PDE1A: variants seen among roughly 807,000 people sequenced by gnomAD.
PDE1A encodes dual specificity calcium/calmodulin-dependent 3',5'-cyclic nucleotide phosphodiesterase 1A.
Under a neutral mutation model 61.7 loss-of-function variants are expected in PDE1A, and 35 were observed. The ratio of observed to expected loss-of-function variants is 0.57; its 90% CI spans 0.43 to 0.75. The LOEUF (loss-of-function observed/expected upper bound fraction) is 0.75, where lower values mean the gene tolerates loss of function less well. Among genes scored for constraint, PDE1A ranks in the 30% least tolerant of loss-of-function variants. The pLI is 0.00. For missense variants in PDE1A, 597 were observed against 630.6 expected, an observed-to-expected ratio of 0.95 and a Z score of 0.57; for synonymous variants, 232 against 213.2, an observed-to-expected ratio of 1.09 and a Z score of -0.77.
At chr2:182,329,709 G>A (rs927138160) in intron 1 of PDE1A, among the ~76,000 whole-genome samples, 1 of 152,182 alleles carries the variant, frequency 6.6e-6, no homozygotes, top group Admixed American at 6.5e-5. Context: ...TACCAAATAG[G>A]GGTTTCTATC....
intron 1 of PDE1A, among the ~76,000 whole-genome samples, chr2:182,310,452 C>CT (rs1202031933): frequency 1.3e-5 from 2 of 151,888 alleles, no homozygotes; most frequent in South Asian, 2.1e-4. Context: ...ATTGTAGCAA[C>CT]TTTTTTTTCA....
the PDE1A span, among the ~76,000 whole-genome samples, chr2:182,672,471 A>T: frequency 6.6e-6 from 1 of 152,246 alleles, no homozygotes; most frequent in Non-Finnish European, 1.5e-5. Context: ...TTACTGACAT[A>T]AAAGAGAGTC....
chr2:182,220,951 T>C (rs1224333069), intron 7 of PDE1A, among the ~76,000 whole-genome samples: 1 of 152,088 alleles, frequency 6.6e-6, no homozygotes, highest in African/African-American at 2.4e-5. Flanking sequence ...ATTTTCAAGT[T>C]CATGTAGAAT....
intron 13 of PDE1A, among the ~76,000 whole-genome samples, chr2:182,180,360 T>C (rs987805007): frequency 6.6e-6 from 1 of 152,164 alleles, no homozygotes; most frequent in Non-Finnish European, 1.5e-5. Context: ...AAATTTTAGG[T>C]TGAAAAATTC....
intron 1 of PDE1A, among the ~76,000 whole-genome samples, chr2:182,313,156 G>A (rs1247133872): frequency 2.6e-5 from 4 of 152,326 alleles, no homozygotes; most frequent in Middle Eastern, 3.4e-3. Context: ...GCTCACGCCT[G>A]TAATCCCAGC....
the PDE1A span, among the ~76,000 whole-genome samples, chr2:182,558,351 T>G: frequency 1.3e-5 from 2 of 152,108 alleles, no homozygotes; most frequent in African/African-American, 4.8e-5. Flanking sequence ...AAAAATAAGT[T>G]GATCTTCCCA....
At chr2:182,337,131 T>A (rs1697884770) in intron 1 of PDE1A, among the ~76,000 whole-genome samples, 1 of 152,174 alleles carries the variant, frequency 6.6e-6, no homozygotes, top group South Asian at 2.1e-4. Context: ...TGTATTTTCC[T>A]TATCTGGAGT....
At chr2:182,289,850 A>T (rs1451009560) in intron 1 of PDE1A, among the ~76,000 whole-genome samples, 1 of 152,106 alleles carries the variant, frequency 6.6e-6, no homozygotes, top group Non-Finnish European at 1.5e-5. Context: ...GATTTTCAAA[A>T]ATTATAAAAA....
At chr2:182,406,051 A>G (rs1407132711) in intron 1 of PDE1A, among the ~76,000 whole-genome samples, 2 of 152,090 alleles carry the variant, frequency 1.3e-5, no homozygotes, top group Non-Finnish European at 2.9e-5. Flanking sequence ...TTCCTATTTG[A>G]TAATAATAGC....
intron 1 of PDE1A, among the ~76,000 whole-genome samples, chr2:182,295,057 C>CTTTT (rs11420821): frequency 0.02 from 1,164 of 59,340 alleles, 314 homozygotes; most frequent in African/African-American, 0.04. Flanking sequence ...AAAAGGTAAT[C>CTTTT]TTTTTTTTTT....
chr2:182,665,649 A>G, the PDE1A span, among the ~76,000 whole-genome samples: 2 of 152,184 alleles, frequency 1.3e-5, no homozygotes, highest in African/African-American at 4.8e-5. Flanking sequence ...ATTGTGTAAG[A>G]CAGCGTGACG....
the PDE1A span, among the ~76,000 whole-genome samples, chr2:182,671,338 A>ATTTTT: frequency 3.3e-3 from 249 of 75,206 alleles, 3 homozygotes; most frequent in African/African-American, 7.7e-3. Flanking sequence ...CGACTGGCTA[A>ATTTTT]TTTTTTTTTT....
intron 7 of PDE1A, among the ~76,000 whole-genome samples, chr2:182,211,848 C>T (rs1192710129): frequency 6.6e-6 from 1 of 152,006 alleles, no homozygotes; most frequent in Non-Finnish European, 1.5e-5. Flanking sequence ...GTGTATTAAC[C>T]TTGTATTTTG....
intron 1 of PDE1A, among the ~76,000 whole-genome samples, chr2:182,325,436 A>C (rs1696973893): frequency 6.6e-6 from 1 of 152,172 alleles, no homozygotes; most frequent in South Asian, 2.1e-4. Context: ...CACCAAAAAC[A>C]TGGGTAATGA....
intron 1 of PDE1A, among the ~76,000 whole-genome samples, chr2:182,291,481 G>A (rs1694533193): frequency 6.6e-6 from 1 of 152,232 alleles, no homozygotes; most frequent in African/African-American, 2.4e-5. Flanking sequence ...GTATGATTAT[G>A]TGTTTACATG....
chr2:182,513,087 G>A (rs1233885006), intron 2 of PDE1A, among the ~76,000 whole-genome samples: 2 of 152,032 alleles, frequency 1.3e-5, no homozygotes, highest in Non-Finnish European at 2.9e-5. Flanking sequence ...TTCAAATTCA[G>A]GAAATCAGAA....
rs540479124 is a variant in PDE1A, at chr2:182,360,402, T to A, written c.53+66176A>T. ...CTCAGTTTAGGAGCTAACTATAGTA[T>A]ACTTAGGAAGTCACTGTGAGCGGGG... On this transcript the variant is annotated intron_variant, in intron 1 of 13. Transcript: ENST00000351439. Among the ~76,000 whole-genome samples, 3 of 152,196 alleles carry A rather than the reference T, an allele frequency of 2.0e-5. No homozygotes were observed. In the East Asian group the frequency reaches 5.8e-4, roughly 29 times the overall value.
chr2:182,564,024 T>C, the PDE1A span, among the ~76,000 whole-genome samples: 2 of 152,244 alleles, frequency 1.3e-5, no homozygotes, highest in East Asian at 3.8e-4. Context: ...CCAGTCTGTG[T>C]CTTTTCATTG....
intron 2 of PDE1A, among the ~76,000 whole-genome samples, chr2:182,503,806 A>G (rs1689237974): frequency 1.3e-5 from 2 of 152,156 alleles, no homozygotes; most frequent in Non-Finnish European, 2.9e-5. Context: ...CACCATCAAA[A>G]TATACACTTC....
Sources: gnomAD v4.1 joint callset for allele counts (sites outside exome capture counted in the v4.1 genomes callset) on GRCh38, gnomAD v4.1.1 for gene constraint, MANE v1.5 for transcripts, NCBI Gene and HGNC (gene_info 2026-07-23, HGNC 2026-07-21) for gene names.